Variants in KCNJ14 observed in about 807,000 individuals in gnomAD.
The protein encoded by KCNJ14 is ATP-sensitive inward rectifier potassium channel 14.
Under a neutral mutation model 24.5 loss-of-function variants are expected in KCNJ14, and 18 were observed. That is an observed-to-expected ratio of 0.74 (90% CI 0.51 to 1.09). The LOEUF is 1.09. Ranked by LOEUF, KCNJ14 falls within the 50% of genes least tolerant of loss-of-function variation. The pLI, the probability that KCNJ14 is intolerant of heterozygous loss-of-function variation, is 0.00. For missense variants in KCNJ14, 633 were observed against 623.0 expected, an observed-to-expected ratio of 1.02 and a Z score of -0.17; for synonymous variants, 288 against 270.8, an observed-to-expected ratio of 1.06 and a Z score of -0.63.
At position 48,464,881 on chromosome 19, in the gene KCNJ14, G is replaced by A. The variant is rs915459734; in HGVS notation, c.*104G>A. The A allele has an allele frequency of 3.0e-5, 25 of 840,322 alleles. No homozygotes were observed. The highest frequency in any genetic ancestry group is 3.5e-5 in the Non-Finnish European group (18 of 521,200). The allele number at this position is 840,322 out of a possible 1,614,324, so 52.1% of individuals were successfully genotyped here. A position where few individuals can be genotyped will look rare whatever the true frequency, so the allele number is the denominator to read the frequency against. ...ATGGGGGCAGGTGTTCCTGAATACC[G>A]ACAGGCCTGCTGGGTAAATGACTAG... On this transcript the variant is annotated 3_prime_UTR_variant, in exon 3 of 3. Transcript: ENST00000342291.
At chr19:48,460,904 C>T (rs1263907515) in intron 1 of KCNJ14, among the ~76,000 whole-genome samples, 1 of 151,980 alleles carries the variant, frequency 6.6e-6, no homozygotes, top group Non-Finnish European at 1.5e-5. Context: ...GCCTGTAATC[C>T]CAGCACTTGG....
intron 1 of KCNJ14, among the ~76,000 whole-genome samples, chr19:48,459,098 C>G (rs952506019): frequency 6.6e-6 from 1 of 150,524 alleles, no homozygotes; most frequent in African/African-American, 2.4e-5. Context: ...AAAAATTAGC[C>G]GGGCGTAGTG....
In KCNJ14 at chr19:48,461,550, A is replaced by AAAAAAAAAAAAAAAAAAAAAAG. The variant is rs370425889; in HGVS notation, c.-55-120_-55-119insAAAAAAAAAAAAAAAAAAAAAG. On this transcript the variant is annotated intron_variant, in intron 1 of 2. Coordinates refer to ENST00000342291, the MANE Select transcript of KCNJ14 (RefSeq NM_013348.4). ...CTCCAAAAAAAAAAAAAAAAAAAAA[A>AAAAAAAAAAAAAAAAAAAAAAG]TGCGTATCGTTCCACCTATTTGACA... 2.2e-4 allele frequency: 79 copies of AAAAAAAAAAAAAAAAAAAAAAG among 351,508 alleles called. 14 individuals are homozygous for AAAAAAAAAAAAAAAAAAAAAAG. The highest frequency in any genetic ancestry group is 2.0e-3 in the African/African-American group (66 of 32,704). 21.8% of individuals were successfully genotyped at this position (351,508 alleles called of 1,614,324 possible).
intron 1 of KCNJ14, among the ~76,000 whole-genome samples, chr19:48,459,560 A>G (rs974813433): frequency 6.6e-6 from 1 of 152,002 alleles, no homozygotes; most frequent in Non-Finnish European, 1.5e-5. Flanking sequence ...ACATCTGGCT[A>G]ATTTTTTAAT....
chr19:48,463,081 G>C (rs575310731), intron 2 of KCNJ14, among the ~76,000 whole-genome samples: 9 of 152,108 alleles, frequency 5.9e-5, no homozygotes, highest in Non-Finnish European at 7.4e-5. Flanking sequence ...AGGTGGCAAC[G>C]AAACGAAACT....
At position 48,461,528 on chromosome 19, in the gene KCNJ14, C is replaced by CAAAAAAAAAAAAAAAA. The variant is rs34391014; in HGVS notation, c.-55-135_-55-120dup. The CAAAAAAAAAAAAAAAA allele has an allele frequency of 1.6e-4, 27 of 165,602 alleles. No individual in the cohort carries two copies. The African/African-American group carries it at 2.2e-3, about 14-fold the overall frequency. The allele number at this position is 165,602 out of a possible 1,614,324, so 10.3% of individuals were successfully genotyped here. Reference sequence around the variant, plus strand: ...GGGCGACAGAGCGAGACTCTGTCTCCAAAAAAAAAAAAAAAAAAAAAATGC... The same window carrying CAAAAAAAAAAAAAAAA: ...GGGCGACAGAGCGAGACTCTGTCTCCAAAAAAAAAAAAAAAAAAAAAAAAAAAAAAAAAAAAAATGC... On this transcript the variant is annotated intron_variant, in intron 1 of 2. Transcript: ENST00000342291.
chr19:48,458,935 CAAAAA>C (rs34990679), intron 1 of KCNJ14, among the ~76,000 whole-genome samples: 1 of 38,650 alleles, frequency 2.6e-5, no homozygotes, highest in Admixed American at 4.6e-4. Flanking sequence ...GACTCCGTCT[CAAAAA>C]AAAAAAAAAA....
At chr19:48,456,998 T>C (rs1971547180) in intron 1 of KCNJ14, 1 of 151,648 alleles carries the variant, frequency 6.6e-6, no homozygotes, top group Non-Finnish European at 1.5e-5. Flanking sequence ...CCTCTTTTTT[T>C]TTTTTTTTTC....
Position 48,462,408 on chromosome 19 carries a change from C to T in KCNJ14, c.684C>T (p.Val228=). The change falls in exon 2 of 3, where the codon GTC becomes GTT. Residue 228 remains valine, a synonymous_variant. Coordinates refer to ENST00000342291, the MANE Select transcript of KCNJ14 (RefSeq NM_013348.4). The surrounding 1 kb of genome is among the most constrained non-coding windows in gnomAD (Gnocchi z 4.9). ...GCAACCTGCGCCGCAGCCACCTGGT[C>T]GAGGCCCACGTGCGTGCCCAGCTGC... ...RVGNLRRSHL[V]EAHVRAQLLQ... 8.0e-6 allele frequency: 12 copies of T among 1,505,802 alleles called. No individual in the cohort carries two copies. Among genetic ancestry groups the T allele is most frequent in the Non-Finnish European group, 9.8e-6 (11 of 1,121,884 alleles). The allele number at this position is 1,505,802 out of a possible 1,614,324, so 93.3% of individuals were successfully genotyped here.
At chr19:48,457,727 G>T (rs950993609) in intron 1 of KCNJ14, among the ~76,000 whole-genome samples, 2 of 151,486 alleles carry the variant, frequency 1.3e-5, no homozygotes, top group Non-Finnish European at 2.9e-5. Context: ...GCCCAAGCTC[G>T]AGTGCACTCG....
intron 1 of KCNJ14, among the ~76,000 whole-genome samples, chr19:48,457,917 C>T (rs1352795784): frequency 6.6e-6 from 1 of 152,056 alleles, no homozygotes; most frequent in Non-Finnish European, 1.5e-5. Flanking sequence ...AACTCCTGAC[C>T]TCAAATGATC....
At position 48,462,861 on chromosome 19, in the gene KCNJ14, A is replaced by G. The variant is rs111352659; in HGVS notation, c.714+423A>G. Among the ~76,000 whole-genome samples, 47 of 152,186 alleles carry G rather than the reference A, an allele frequency of 3.1e-4. 3 individuals are homozygous for G. Among genetic ancestry groups the G allele is most frequent in the African/African-American group, 1.1e-3 (45 of 41,522 alleles). On this transcript the variant is annotated intron_variant, in intron 2 of 2. Transcript: ENST00000342291. This position sits in a 1 kb window ranked among gnomAD's most constrained non-coding sequence, Gnocchi z 4.9. ...GACCGTTCTATTACTCGGGTGTACAATTCCCACTGGACACTGTGGCACAGT... is the reference window on the plus strand; with the variant it reads ...GACCGTTCTATTACTCGGGTGTACAGTTCCCACTGGACACTGTGGCACAGT...
chr19:48,460,019 C>CA (rs548938477), intron 1 of KCNJ14, among the ~76,000 whole-genome samples: 6,653 of 122,872 alleles, frequency 0.054, 486 homozygotes, highest in African/African-American at 0.17. Flanking sequence ...GAGTCCATCT[C>CA]AAAAAAAAAA....
Position 48,461,932 on chromosome 19 carries a change from G to T in KCNJ14, c.208G>T (p.Gly70Cys). 1 of 1,611,562 alleles carries T rather than the reference G, an allele frequency of 6.2e-7. No homozygotes were observed. Among genetic ancestry groups the T allele is most frequent in the South Asian group, 1.1e-5 (1 of 90,806 alleles). ...GCGTTTCGTAAACCTGGGTGGCCAGGGCGCGCGCTACCTGAGCGACCTGTT... is the reference window on the plus strand; with the variant it reads ...GCGTTTCGTAAACCTGGGTGGCCAGTGCGCGCGCTACCTGAGCGACCTGTT... ...NVRFVNLGGQGARYLSDLFTT... is the reference protein window; with the variant it reads ...NVRFVNLGGQCARYLSDLFTT... Residue 70 changes from glycine (G) to cysteine (C), a missense_variant, in exon 2 of 3, where the codon GGC (glycine) becomes TGC (cysteine). Coordinates refer to ENST00000342291, the MANE Select transcript of KCNJ14 (RefSeq NM_013348.4).
At chr19:48,457,665 T>G (rs1971554101) in intron 1 of KCNJ14, among the ~76,000 whole-genome samples, 1 of 152,202 alleles carries the variant, frequency 6.6e-6, no homozygotes, top group East Asian at 1.9e-4. Context: ...TATTCACAAT[T>G]GTGCAGCCAT....
chr19:48,460,170 T>C (rs1569082992), intron 1 of KCNJ14, among the ~76,000 whole-genome samples: 2 of 152,346 alleles, frequency 1.3e-5, no homozygotes, highest in East Asian at 1.9e-4. Context: ...CTTACGATTA[T>C]GAGCATGGAC....
At chr19:48,463,198 G>GA (rs1971619390) in intron 2 of KCNJ14, among the ~76,000 whole-genome samples, 1 of 152,150 alleles carries the variant, frequency 6.6e-6, no homozygotes, top group Non-Finnish European at 1.5e-5. Flanking sequence ...CCGTTCCCAA[G>GA]AAACTCTGGG....
Position 48,462,058 on chromosome 19 carries a change from G to A in KCNJ14, c.334G>A (p.Ala112Thr). The A allele has an allele frequency of 1.9e-6, 3 of 1,609,976 alleles. No individual in the cohort carries two copies. Among genetic ancestry groups the A allele is most frequent in the South Asian group, 1.1e-5 (1 of 90,940 alleles). ...CTTCGGCCTGGCCTTCTGGCTCATT[G>A]CCTCGCTGCACGGCGACCTGGCCGC... ...LLFGLAFWLIASLHGDLAAPP... is the reference protein window; with the variant it reads ...LLFGLAFWLITSLHGDLAAPP... Residue 112 changes from alanine (A) to threonine (T), a missense_variant, in exon 2 of 3, where the codon GCC becomes ACC. Ala to Thr is a moderately conservative substitution (Grantham distance 58, BLOSUM62 0). Coordinates refer to ENST00000342291, the MANE Select transcript of KCNJ14 (RefSeq NM_013348.4). The surrounding 1 kb of genome is among the most constrained non-coding windows in gnomAD (Gnocchi z 4.9).
Position 48,465,350 on chromosome 19 carries a change from A to G in KCNJ14, c.*573A>G, listed in dbSNP as rs1971644965. The G allele has an allele frequency of 6.5e-6, 1 of 153,630 alleles. No homozygotes were observed. The highest frequency in any genetic ancestry group is 1.4e-5 in the Non-Finnish European group (1 of 69,176). The allele number at this position is 153,630 out of a possible 1,614,324, so 9.5% of individuals were successfully genotyped here. On this transcript the variant is annotated 3_prime_UTR_variant, in exon 3 of 3. Coordinates refer to ENST00000342291, the MANE Select transcript of KCNJ14 (RefSeq NM_013348.4). ...AAAAAAAAAAAAGACCTGTGGTTCC[A>G]GAAAGCTCATTAGTTGAGATTCTGT...
Sources: gnomAD v4.1 joint callset for allele counts (sites outside exome capture counted in the v4.1 genomes callset) on GRCh38, gnomAD v4.1.1 for gene constraint, Gnocchi (gnomAD v3.1) non-coding constraint, MANE v1.5 for transcripts, NCBI Gene and HGNC (gene_info 2026-07-23, HGNC 2026-07-21) for gene names.